The following CBLB variants were observed in gnomAD, a reference collection of about 807,000 sequenced individuals.
CBLB encodes E3 ubiquitin-protein ligase CBL-B.
In CBLB, 31 loss-of-function variants were observed where a neutral mutation model predicts 104.9. That is an observed-to-expected ratio of 0.30 (90% CI 0.22 to 0.40). The LOEUF (loss-of-function observed/expected upper bound fraction) is 0.40, where lower values mean the gene tolerates loss of function less well. Ranked by LOEUF, CBLB falls within the 10% of genes least tolerant of loss-of-function variation. The probability of loss-of-function intolerance (pLI) is 1.00; values close to 1 mark genes in which losing one functional copy is unlikely to be tolerated. For missense variants in CBLB, 1,062 were observed against 1,214.6 expected, an observed-to-expected ratio of 0.87 and a Z score of 1.87; for synonymous variants, 440 against 422.6, an observed-to-expected ratio of 1.04 and a Z score of -0.51.
intron 4 of CBLB, among the ~76,000 whole-genome samples, chr3:105,769,918 G>C (rs2078661677): frequency 1.3e-5 from 2 of 152,188 alleles, no homozygotes; most frequent in African/African-American, 4.8e-5. Flanking sequence ...CTAATCAGAA[G>C]GTTGTTGGGG....
At position 105,703,274 on chromosome 3, in the gene CBLB, A is replaced by G. The variant is rs2069534298; in HGVS notation, c.1593+714T>C. ...TATTCTAATAATGTGTGATCTTAAA[A>G]CCAGGTTAACTGGTAATACAGGAAA... On this transcript the variant is annotated intron_variant, in intron 11 of 18. Transcript: ENST00000394030. Among the ~76,000 whole-genome samples, 2 of 152,182 alleles carry G rather than the reference A, an allele frequency of 1.3e-5. 1 individual carries two copies. The highest frequency in any genetic ancestry group is 4.1e-4 in the South Asian group (2 of 4,836).
At chr3:105,799,593 AT>A (rs113727480) in intron 3 of CBLB, among the ~76,000 whole-genome samples, 107 of 151,654 alleles carry the variant, frequency 7.1e-4, no homozygotes, top group African/African-American at 2.5e-3. Context: ...CATACAAGTG[AT>A]TTTTTTATTT....
At position 105,671,534 on chromosome 3, in the gene CBLB, T is replaced by C. The variant is rs1196025097; in HGVS notation, c.2570-1182A>G. 6 of 213,048 alleles carry C rather than the reference T, an allele frequency of 2.8e-5. No homozygotes were observed. In the East Asian group the frequency reaches 4.2e-4, roughly 15 times the overall value. The allele number at this position is 213,048 out of a possible 1,614,324, so 13.2% of individuals were successfully genotyped here. ...AAATCAGTGAAACCTGAATTGCTAA[T>C]GTAAAGCAAAAATTGTAAATATTAA... On this transcript the variant is annotated intron_variant, in intron 17 of 18. Coordinates refer to ENST00000394030, the MANE Select transcript of CBLB (RefSeq NM_170662.5).
At chr3:105,687,481 T>A (rs909847255) in intron 13 of CBLB, among the ~76,000 whole-genome samples, 8 of 152,106 alleles carry the variant, frequency 5.3e-5, no homozygotes, top group Non-Finnish European at 7.4e-5. Context: ...GCTCATCTAA[T>A]ACTTCATGGA....
intron 1 of CBLB, among the ~76,000 whole-genome samples, 183 bp from the exon 2 acceptor site, chr3:105,867,774 A>G (rs536024704): frequency 2.4e-4 from 37 of 152,274 alleles, no homozygotes; most frequent in African/African-American, 8.7e-4. Flanking sequence ...TACACACAGT[A>G]GTTTTAAGAG....
At chr3:105,768,789 G>A (rs565444245) in intron 4 of CBLB, among the ~76,000 whole-genome samples, 2 of 152,050 alleles carry the variant, frequency 1.3e-5, no homozygotes, top group South Asian at 2.1e-4. Context: ...CACGTAGAAG[G>A]GTGTATATGA....
At position 105,681,635 on chromosome 3, in the gene CBLB, T is replaced by C; in HGVS notation, c.2297-25A>G. 4 of 1,614,082 alleles carry C rather than the reference T, an allele frequency of 2.5e-6. No individual in the cohort carries two copies. In the South Asian group the frequency reaches 3.3e-5, roughly 13 times the overall value. ...CCTAGAGGATAACACAAAACCTTAA[T>C]GTATTTTCAGTACAATGGCATGAAA... On this transcript the variant is annotated intron_variant, in intron 15 of 18. Transcript: ENST00000394030.
intron 17 of CBLB, chr3:105,670,554 T>C: frequency 1.8e-6 from 1 of 552,130 alleles, no homozygotes; most frequent in Non-Finnish European, 3.2e-6. Context: ...TCTTCACATT[T>C]ATTTCCAGAT....
intron 18 of CBLB, among the ~76,000 whole-genome samples, chr3:105,660,884 A>G (rs1484452019): frequency 6.6e-6 from 1 of 152,170 alleles, no homozygotes; most frequent in Non-Finnish European, 1.5e-5. Context: ...ATATACAATT[A>G]TAGCAATATC....
At chr3:105,749,063 T>A (rs1374011248) in intron 5 of CBLB, among the ~76,000 whole-genome samples, 1 of 152,178 alleles carries the variant, frequency 6.6e-6, no homozygotes, top group African/African-American at 2.4e-5. Context: ...ATAAATATAA[T>A]ACATTTAAGA....
intron 3 of CBLB, among the ~76,000 whole-genome samples, chr3:105,779,762 C>A (rs1413968191): frequency 4.0e-5 from 6 of 151,356 alleles, no homozygotes; most frequent in African/African-American, 7.3e-5. Flanking sequence ...AATACGTTTT[C>A]TTTTTTATAT....
chr3:105,869,062 C>T (rs1008614676), upstream of CBLB: 4 of 289,628 alleles, frequency 1.4e-5, no homozygotes, highest in African/African-American at 4.9e-5. Context: ...CGGGGCGGGG[C>T]GGGGGCGGGG....
chr3:105,830,127 T>G (rs374496835), intron 3 of CBLB, among the ~76,000 whole-genome samples: 1 of 152,186 alleles, frequency 6.6e-6, no homozygotes, highest in African/African-American at 2.4e-5. Flanking sequence ...CCTGCCCCAG[T>G]AATGCATTGC....
intron 3 of CBLB, among the ~76,000 whole-genome samples, chr3:105,786,060 T>TTGG (rs1560233373): frequency 6.4e-4 from 2 of 3,146 alleles, no homozygotes; most frequent in Non-Finnish European, 1.7e-3. Flanking sequence ...TGTGAGAGGA[T>TTGG]CGGGGGGGGG....
chr3:105,674,712 T>C (rs535757824), intron 17 of CBLB, among the ~76,000 whole-genome samples: 1 of 152,286 alleles, frequency 6.6e-6, no homozygotes, highest in Admixed American at 6.5e-5. Flanking sequence ...ACATATACAC[T>C]AGTGGTAGCC....
At chr3:105,773,388 G>T (rs1472556661) in intron 4 of CBLB, among the ~76,000 whole-genome samples, 2 of 152,146 alleles carry the variant, frequency 1.3e-5, no homozygotes, top group Non-Finnish European at 2.9e-5. Flanking sequence ...TCGTGGTGGG[G>T]AAGGGTGAGA....
At chr3:105,844,817 T>A (rs2090026772) in intron 3 of CBLB, among the ~76,000 whole-genome samples, 1 of 152,184 alleles carries the variant, frequency 6.6e-6, no homozygotes, top group South Asian at 2.1e-4. Flanking sequence ...CTTCTTGGGC[T>A]AGATTCCAAG....
intron 12 of CBLB, among the ~76,000 whole-genome samples, chr3:105,697,654 C>T (rs2068551847): frequency 6.6e-6 from 1 of 151,916 alleles, no homozygotes; most frequent in African/African-American, 2.4e-5. Context: ...TGTGCCTCTC[C>T]ACCAAAAGTA....
intron 9 of CBLB, among the ~76,000 whole-genome samples, chr3:105,724,366 A>T (rs1396907894): frequency 6.6e-6 from 1 of 152,144 alleles, no homozygotes; most frequent in African/African-American, 2.4e-5. Flanking sequence ...CTGCATAGTA[A>T]ATCAGAAAAG....
Sources: allele counts gnomAD v4.1 joint callset (sites outside exome capture counted in the v4.1 genomes callset), GRCh38; gene constraint gnomAD v4.1.1; transcripts MANE v1.5; gene names NCBI Gene and HGNC (gene_info 2026-07-23, HGNC 2026-07-21).